TMEM132C: variants seen among roughly 807,000 people sequenced by gnomAD.
TMEM132C encodes protein phosphatase 1, regulatory subunit 152.
A neutral mutation model predicts 61.4 loss-of-function variants in TMEM132C; 29 were observed. The ratio of observed to expected loss-of-function variants is 0.47; its 90% confidence interval spans 0.35 to 0.64. TMEM132C has a LOEUF of 0.64. Among genes scored for constraint, TMEM132C ranks in the 30% least tolerant of loss-of-function variants. The probability of loss-of-function intolerance (pLI) is 0.00; values close to 1 mark genes in which losing one functional copy is unlikely to be tolerated. For missense variants in TMEM132C, 1,408 were observed against 1,476.9 expected (o/e 0.95, Z 0.76); for synonymous variants, 656 against 633.1 (o/e 1.04, Z -0.54).
intron 2 of TMEM132C, among the ~76,000 whole-genome samples, chr12:128,496,236 C>T (rs1281208056): frequency 1.3e-5 from 2 of 152,182 alleles, no homozygotes; most frequent in Non-Finnish European, 2.9e-5. Context: ...TTGTGGGTAA[C>T]CCGACCTTTC....
chr12:128,530,789 G>A (rs11059735), intron 2 of TMEM132C, among the ~76,000 whole-genome samples: 87,714 of 152,116 alleles, frequency 0.58, 25,574 homozygotes, highest in East Asian at 0.77. Context: ...CCATGTAAAT[G>A]TAAATGCATA....
intron 2 of TMEM132C, among the ~76,000 whole-genome samples, chr12:128,491,846 T>A (rs1871738867): frequency 2.9e-5 from 4 of 138,382 alleles, no homozygotes. Flanking sequence ...TTTGGCTGTA[T>A]CAGTTCTTTT....
rs181323682 is a variant in TMEM132C at position 128,600,054 on chromosome 12, C to A, written c.1122-16098C>A. On this transcript the variant is annotated intron_variant, in intron 3 of 8. Transcript: ENST00000435159. The stretch of plus-strand genomic sequence containing the variant: ...CTGGAGTGCAGTGGCGCGATCTCGG[C>A]TCACTGCAAGCTCCGCCTCCCGGGT... Among the ~76,000 whole-genome samples, 292 of 152,282 alleles carry A rather than the reference C, an allele frequency of 1.9e-3. 1 individual carries two copies. The highest frequency in any genetic ancestry group is 6.5e-3 in the African/African-American group (270 of 41,544).
intron 1 of TMEM132C, among the ~76,000 whole-genome samples, chr12:128,358,493 T>TTTTGTGTG (rs1555220207): frequency 6.9e-6 from 1 of 144,900 alleles, no homozygotes; most frequent in Non-Finnish European, 1.5e-5. Flanking sequence ...ACTTTTAAAA[T>TTTTGTGTG]TGTGTGTGTG....
At chr12:128,507,197 C>G (rs561616363) in intron 2 of TMEM132C, among the ~76,000 whole-genome samples, 2 of 152,112 alleles carry the variant, frequency 1.3e-5, no homozygotes, top group Non-Finnish European at 2.9e-5. Context: ...CTGTCCCACA[C>G]CCCGGGTGAC....
At chr12:128,319,043 A>C (rs1336643915) in intron 1 of TMEM132C, among the ~76,000 whole-genome samples, 1 of 152,064 alleles carries the variant, frequency 6.6e-6, no homozygotes, top group African/African-American at 2.4e-5. Flanking sequence ...CTCATATCCT[A>C]CTTTTGTGAC....
intron 1 of TMEM132C, among the ~76,000 whole-genome samples, chr12:128,284,449 G>A (rs1443652032): frequency 2.6e-5 from 4 of 152,204 alleles, no homozygotes; most frequent in African/African-American, 9.7e-5. Context: ...TCAGGGTTTG[G>A]ACCTACTGGG....
chr12:128,341,771 C>T (rs1872984123), intron 1 of TMEM132C, among the ~76,000 whole-genome samples: 1 of 152,164 alleles, frequency 6.6e-6, no homozygotes, highest in Admixed American at 6.5e-5. Flanking sequence ...AGATTCGGGG[C>T]CTCTCATGCC....
At position 128,267,463 on chromosome 12, in the gene TMEM132C, C is replaced by G; in HGVS notation, c.61C>G (p.Leu21Val). The part of the protein sequence containing the change: ...AAPLCGALSL[L>V]LGALLGKVIE... ...GCCGCTGTGCGGGGCGCTGAGCCTG[C>G]TGCTGGGCGCGCTGCTGGGCAAAGG... Residue 21 changes from leucine (L) to valine (V), a missense_variant, in exon 1 of 9, where the codon CTG (leucine) becomes GTG (valine). By Grantham distance (32) the Leu-to-Val change is conservative (BLOSUM62 1). Coordinates refer to ENST00000435159, the MANE Select transcript of TMEM132C (RefSeq NM_001136103.3). The G allele has an allele frequency of 7.9e-7, 1 of 1,269,948 alleles. No homozygotes were observed. The highest frequency in any genetic ancestry group is 9.9e-7 in the Non-Finnish European group (1 of 1,009,886). 78.7% of individuals were successfully genotyped at this position (1,269,948 alleles called of 1,614,324 possible). A position where few individuals can be genotyped will look rare whatever the true frequency, so the allele number is the denominator to read the frequency against.
intron 2 of TMEM132C, among the ~76,000 whole-genome samples, chr12:128,522,591 T>C (rs1872944944): frequency 1.3e-5 from 2 of 152,246 alleles, no homozygotes; most frequent in Admixed American, 6.5e-5. Context: ...CGTGGCGATA[T>C]CTTGTTTTTA....
chr12:128,298,877 C>G (rs910956958), intron 1 of TMEM132C, among the ~76,000 whole-genome samples: 2 of 152,204 alleles, frequency 1.3e-5, no homozygotes, highest in Non-Finnish European at 2.9e-5. Flanking sequence ...CAGATATGTG[C>G]TCATACATGT....
chr12:128,533,702 A>G (rs144130285), intron 2 of TMEM132C, among the ~76,000 whole-genome samples: 348 of 152,268 alleles, frequency 2.3e-3, no homozygotes, highest in Non-Finnish European at 4.2e-3. Context: ...GTAAAGATCT[A>G]TCTCCATATA....
intron 1 of TMEM132C, among the ~76,000 whole-genome samples, chr12:128,334,559 G>T (rs1191870676): frequency 6.7e-6 from 1 of 149,520 alleles, no homozygotes. Context: ...TCCCCCACTA[G>T]TTTCTTGAAA....
intron 1 of TMEM132C, among the ~76,000 whole-genome samples, chr12:128,370,291 A>T (rs539233570): frequency 6.6e-6 from 1 of 152,168 alleles, no homozygotes; most frequent in African/African-American, 2.4e-5. Context: ...GGTGTGTTAG[A>T]CTATTGCAGG....
intron 1 of TMEM132C, among the ~76,000 whole-genome samples, chr12:128,380,945 T>TAAA (rs1874380097): frequency 6.6e-6 from 1 of 152,204 alleles, no homozygotes; most frequent in African/African-American, 2.4e-5. Context: ...TGAAGGAAGC[T>TAAA]GATTGAATGC....
At chr12:128,443,333 G>C (rs193117839) in intron 2 of TMEM132C, among the ~76,000 whole-genome samples, 18 of 152,110 alleles carry the variant, frequency 1.2e-4, no homozygotes, top group African/African-American at 4.3e-4. Context: ...CACTGCTCAG[G>C]TCACAGGTGC....
intron 2 of TMEM132C, among the ~76,000 whole-genome samples, chr12:128,434,036 C>T (rs983685396): frequency 1.3e-5 from 2 of 152,222 alleles, no homozygotes; most frequent in Non-Finnish European, 2.9e-5. Flanking sequence ...GGCAGCAAGC[C>T]GATGCCAGTG....
At position 128,665,142 on chromosome 12, in the gene TMEM132C, C is replaced by T. The variant is rs556273677; in HGVS notation, c.1306-4275C>T. ...TCACACACACATAGGCACATGTACC[C>T]ATATGCACACACTCACACATACACA... On this transcript the variant is annotated intron_variant, in intron 4 of 8. Coordinates refer to ENST00000435159, the MANE Select transcript of TMEM132C (RefSeq NM_001136103.3). 5.3e-5 allele frequency among the ~76,000 whole-genome samples: 8 copies of T among 151,368 alleles called. No individual in the cohort carries two copies. The East Asian group carries it at 1.6e-3, about 30-fold the overall frequency.
chr12:128,530,083 T>G (rs1593087841), intron 2 of TMEM132C, among the ~76,000 whole-genome samples: 2 of 124,798 alleles, frequency 1.6e-5, no homozygotes, highest in Non-Finnish European at 1.6e-5. Context: ...GGACATGGAG[T>G]AGGAGTGAAA....
Sources: allele counts gnomAD v4.1 joint callset (sites outside exome capture counted in the v4.1 genomes callset), GRCh38; gene constraint gnomAD v4.1.1; transcripts MANE v1.5; gene names NCBI Gene and HGNC (gene_info 2026-07-23, HGNC 2026-07-21).